Variants in ADAM12 observed in about 807,000 individuals in gnomAD.
The protein encoded by ADAM12 is disintegrin and metalloproteinase domain-containing protein 12.
Under a neutral mutation model 106.4 loss-of-function variants are expected in ADAM12, and 70 were observed. That is an observed-to-expected ratio of 0.66 (90% CI 0.54 to 0.80). The LOEUF (loss-of-function observed/expected upper bound fraction) is 0.80. ADAM12 is among the 30% of genes least tolerant of loss of function. ADAM12 has a pLI of 0.00. For synonymous variants in ADAM12, 420 were observed against 433.5 expected (o/e 0.97, Z 0.39); for missense variants, 1,010 against 1,171.9 (o/e 0.86, Z 2.02).
rs1215302356 is a variant in ADAM12 at position 126,053,665 on chromosome 10, C to T, written c.1610-3996G>A. 1.3e-5 allele frequency among the ~76,000 whole-genome samples: 2 copies of T among 152,016 alleles called. No homozygotes were observed. Among genetic ancestry groups the T allele is most frequent in the African/African-American group, 2.4e-5 (1 of 41,388 alleles). On this transcript the variant is annotated intron_variant, in intron 14 of 22. Coordinates refer to ENST00000448723, the MANE Select transcript of ADAM12 (RefSeq NM_001288973.2). This position sits in a 1 kb window ranked among gnomAD's most constrained non-coding sequence, Gnocchi z 4.6. ...CTTAAAAAAAAAACCTCTCCCACAC[C>T]GTGGAACAATTTTACTGAGATGACG...
chr10:126,260,565 T>C (rs1958981487), intron 3 of ADAM12, among the ~76,000 whole-genome samples: 1 of 59,128 alleles, frequency 1.7e-5, no homozygotes, highest in South Asian at 6.0e-4. Context: ...TCCCTCATTC[T>C]GAACATACAG....
chr10:126,101,769 G>A (rs759431510), intron 8 of ADAM12, among the ~76,000 whole-genome samples: 20 of 152,164 alleles, frequency 1.3e-4, no homozygotes, highest in Non-Finnish European at 2.8e-4. Flanking sequence ...TATAATCAAC[G>A]CAGGTTTTAA....
chr10:126,365,881 C>G (rs1357204043), intron 1 of ADAM12, among the ~76,000 whole-genome samples: 1 of 152,186 alleles, frequency 6.6e-6, no homozygotes, highest in Non-Finnish European at 1.5e-5. Context: ...GTGCTTACTC[C>G]TGTCTTAAAT....
At chr10:126,084,196 G>GGTCAA (rs1955290408) in intron 11 of ADAM12, among the ~76,000 whole-genome samples, 1 of 152,166 alleles carries the variant, frequency 6.6e-6, no homozygotes, top group South Asian at 2.1e-4. Context: ...CACCAACTGA[G>GGTCAA]CTCTGGTCAG....
At chr10:126,308,222 T>G (rs1960933752) in intron 2 of ADAM12, among the ~76,000 whole-genome samples, 3 of 148,578 alleles carry the variant, frequency 2.0e-5, no homozygotes, top group South Asian at 2.1e-4. Flanking sequence ...AGACTACAGA[T>G]GAAGTTCAGT....
chr10:126,039,870 T>G (rs1485535107), intron 18 of ADAM12, among the ~76,000 whole-genome samples: 1 of 152,226 alleles, frequency 6.6e-6, no homozygotes, highest in Non-Finnish European at 1.5e-5. Flanking sequence ...TGTAGTTGGG[T>G]TCTGCTTTAT....
In ADAM12 at chr10:126,049,711, ATT is replaced by A. The variant is rs11406158; in HGVS notation, c.1610-44_1610-43del. The A allele has an allele frequency of 9.9e-4, 1,304 of 1,312,618 alleles. No homozygotes were observed. The highest frequency in any genetic ancestry group is 1.4e-3 in the South Asian group (107 of 74,098). 81.3% of individuals were successfully genotyped at this position (1,312,618 alleles called of 1,614,324 possible). ...ACTGCATTTTCATCTCCTGCAGGTG[ATT>A]TTTTTTTTTTCATGGCTGTAGGCCT... On this transcript the variant is annotated intron_variant, in intron 14 of 22. Coordinates refer to ENST00000448723, the MANE Select transcript of ADAM12 (RefSeq NM_001288973.2). The surrounding 1 kb of genome is among the most constrained non-coding windows in gnomAD (Gnocchi z 4.4).
intron 3 of ADAM12, among the ~76,000 whole-genome samples, chr10:126,190,480 A>G (rs989024463): frequency 6.6e-6 from 1 of 152,086 alleles, no homozygotes; most frequent in Non-Finnish European, 1.5e-5. Context: ...TGGTGGGATT[A>G]CAGGCATGAG....
chr10:126,367,878 T>C (rs774667378), intron 1 of ADAM12, among the ~76,000 whole-genome samples: 4 of 151,968 alleles, frequency 2.6e-5, no homozygotes, highest in Non-Finnish European at 4.4e-5. Flanking sequence ...AACAATCTTA[T>C]ACGAACTCTT....
At chr10:126,126,674 T>C (rs74159811) in intron 5 of ADAM12, among the ~76,000 whole-genome samples, 8,927 of 150,864 alleles carry the variant, frequency 0.059, 592 homozygotes, top group East Asian at 0.15. Context: ...AACATGGCAA[T>C]GAAAGGAGGG....
chr10:126,369,407 A>G (rs1856032503), intron 1 of ADAM12, among the ~76,000 whole-genome samples: 1 of 152,208 alleles, frequency 6.6e-6, no homozygotes, highest in Non-Finnish European at 1.5e-5. Context: ...AAGTGCTCTG[A>G]CAGAGACATA....
intron 3 of ADAM12, among the ~76,000 whole-genome samples, chr10:126,165,919 A>G (rs1011669074): frequency 6.6e-6 from 1 of 152,214 alleles, no homozygotes; most frequent in African/African-American, 2.4e-5. Context: ...GAGCACGTAC[A>G]TTCCATTTTT....
intron 2 of ADAM12, among the ~76,000 whole-genome samples, chr10:126,292,779 A>G (rs1258603122): frequency 1.3e-5 from 2 of 152,244 alleles, no homozygotes; most frequent in East Asian, 3.8e-4. Flanking sequence ...ATTGATGTAC[A>G]CCAAAATTTG....
intron 3 of ADAM12, among the ~76,000 whole-genome samples, chr10:126,267,559 T>A (rs1487657088): frequency 6.6e-6 from 1 of 152,010 alleles, no homozygotes; most frequent in Non-Finnish European, 1.5e-5. Context: ...CATGCACAGT[T>A]CACAAGAGGG....
chr10:126,231,145 G>C (rs1017923259), intron 3 of ADAM12, among the ~76,000 whole-genome samples: 1 of 152,046 alleles, frequency 6.6e-6, no homozygotes, highest in Admixed American at 6.5e-5. Context: ...ATATATTCTT[G>C]TACTTTAATA....
At chr10:126,250,128 T>C (rs1195990762) in intron 3 of ADAM12, among the ~76,000 whole-genome samples, 1 of 152,156 alleles carries the variant, frequency 6.6e-6, no homozygotes, top group Non-Finnish European at 1.5e-5. Context: ...AGCCAGGGCA[T>C]ACCGACCGCA....
At chr10:126,357,529 T>G (rs1855584591) in intron 1 of ADAM12, among the ~76,000 whole-genome samples, 1 of 152,206 alleles carries the variant, frequency 6.6e-6, no homozygotes, top group African/African-American at 2.4e-5. Context: ...ATTCTCATGC[T>G]GCTAATAAAG....
chr10:126,162,647 A>T (rs1956957051), intron 3 of ADAM12, among the ~76,000 whole-genome samples: 1 of 152,030 alleles, frequency 6.6e-6, no homozygotes, highest in Non-Finnish European at 1.5e-5. Context: ...AGGCTCCAGG[A>T]AGGTTAGCAA....
At chr10:126,078,278 T>C (rs537152513) in intron 11 of ADAM12, among the ~76,000 whole-genome samples, 2 of 152,158 alleles carry the variant, frequency 1.3e-5, no homozygotes, top group Non-Finnish European at 2.9e-5. Context: ...TTTTCAAGTG[T>C]CTATTATACT....
Sources: gnomAD v4.1 joint callset for allele counts (sites outside exome capture counted in the v4.1 genomes callset) on GRCh38, gnomAD v4.1.1 for gene constraint, Gnocchi (gnomAD v3.1) non-coding constraint, MANE v1.5 for transcripts, NCBI Gene and HGNC (gene_info 2026-07-23, HGNC 2026-07-21) for gene names.